The following SPTA1 variants were observed in gnomAD, a reference collection of about 807,000 sequenced individuals.
SPTA1 encodes the protein spectrin alpha, erythrocytic 1, also known as spectrin alpha chain, erythrocytic 1.
In SPTA1, 177 loss-of-function variants were observed where a neutral mutation model predicts 324.7. The ratio of observed to expected loss-of-function variants is 0.55; its 90% CI spans 0.48 to 0.62. The LOEUF (loss-of-function observed/expected upper bound fraction) is 0.62, where lower values mean the gene tolerates loss of function less well. Ranked by LOEUF, SPTA1 falls within the 20% of genes least tolerant of loss-of-function variation. SPTA1 has a pLI of 0.00. For synonymous variants in SPTA1, 1,195 were observed against 1,041.3 expected, an observed-to-expected ratio of 1.15 and a Z score of -2.84; for missense variants, 3,162 against 2,883.6, an observed-to-expected ratio of 1.10 and a Z score of -2.21.
intron 22 of SPTA1, among the ~76,000 whole-genome samples, chr1:158,653,039 A>G (rs1652569421): frequency 6.6e-6 from 1 of 152,218 alleles, no homozygotes; most frequent in African/African-American, 2.4e-5. Flanking sequence ...GCAGGGAATC[A>G]GAAGAGCTCT....
intron 27 of SPTA1, 96 bp downstream of exon 27, chr1:158,647,443 G>T: frequency 6.8e-7 from 1 of 1,473,440 alleles, no homozygotes. Context: ...ACGTAGTGAT[G>T]CCCTCCAAAA....
At chr1:158,672,297 A>T in intron 10 of SPTA1, 101 bp from the exon 11 acceptor site, 1 of 1,281,952 alleles carries the variant, frequency 7.8e-7, no homozygotes, top group Non-Finnish European at 1.1e-6. Context: ...AGGATACAAA[A>T]ATAAACAGCA....
rs1348908909 is a variant in SPTA1 at position 158,680,770 on chromosome 1, A to G, written c.532-41T>C. On this transcript the variant is annotated intron_variant, in intron 4 of 51. Transcript: ENST00000643759. ...TTGATTGAGTTGCCAGCAAACATTT[A>G]GGAGTTTCTGTAGGTCAAAAACTCA... The G allele has an allele frequency of 2.5e-6, 4 of 1,611,610 alleles. No individual in the cohort carries two copies. The South Asian group carries it at 4.4e-5, about 18-fold the overall frequency.
intron 2 of SPTA1, 35 bp downstream of exon 2, chr1:158,685,073 G>A: frequency 6.2e-7 from 1 of 1,612,918 alleles, no homozygotes; most frequent in Non-Finnish European, 8.5e-7. Context: ...GAGATCTTAG[G>A]GTCTGCTCTG....
chr1:158,640,658 T>G (rs953873992), intron 33 of SPTA1, among the ~76,000 whole-genome samples: 3 of 151,906 alleles, frequency 2.0e-5, no homozygotes, highest in South Asian at 2.1e-4. Flanking sequence ...CACTGCTCAA[T>G]GAAATAAAAG....
At chr1:158,627,029 A>G (rs745780021) in intron 40 of SPTA1, 22 bp from the exon 41 acceptor site, 2 of 1,613,248 alleles carry the variant, frequency 1.2e-6, no homozygotes, top group Non-Finnish European at 1.7e-6. Flanking sequence ...GGAGAGACAA[A>G]TATATTTATA....
intron 18 of SPTA1, among the ~76,000 whole-genome samples, chr1:158,660,773 T>G (rs1653154972): frequency 6.6e-6 from 1 of 152,216 alleles, no homozygotes; most frequent in Non-Finnish European, 1.5e-5. Flanking sequence ...TGGCTTATGA[T>G]GTTCAAAACT....
chr1:158,680,214 C>T (rs554465711), intron 5 of SPTA1, among the ~76,000 whole-genome samples: 33 of 152,042 alleles, frequency 2.2e-4, no homozygotes, highest in African/African-American at 7.7e-4. Flanking sequence ...ATTTTATATG[C>T]TCTGCTACTT....
chr1:158,680,579 TCA>T lies in SPTA1; in HGVS notation c.678+2_678+3del. 6.2e-7 allele frequency: 1 copy of T among 1,613,780 alleles called. No homozygotes were observed. Among genetic ancestry groups the T allele is most frequent in the Non-Finnish European group, 8.5e-7 (1 of 1,179,798 alleles). Reference sequence around the variant, plus strand: ...ACGGAGTGAATATTTTGCTCCCACCTCACCTCGGCACACTCATTGGCATATTG... The same window carrying T: ...ACGGAGTGAATATTTTGCTCCCACCTCCTCGGCACACTCATTGGCATATTG... On this transcript the variant is annotated splice_donor_variant and splice_donor_region_variant and intron_variant, in intron 5 of 51. Coordinates refer to ENST00000643759, the MANE Select transcript of SPTA1 (RefSeq NM_003126.4). LOFTEE classifies it high-confidence loss of function.
intron 51 of SPTA1, chr1:158,612,073 G>A (rs1350351022): frequency 6.5e-6 from 1 of 154,648 alleles, no homozygotes; most frequent in Non-Finnish European, 1.4e-5. Context: ...ATACCATCAT[G>A]TATGTGACCC....
At position 158,612,847 on chromosome 1, in the gene SPTA1, C is replaced by A. The variant is rs112884419; in HGVS notation, c.7104G>T (p.Lys2368Asn). 1.9e-3 allele frequency: 3,147 copies of A among 1,613,920 alleles called. 4 individuals are homozygous for A. The highest frequency in any genetic ancestry group is 2.3e-3 in the Middle Eastern group (14 of 6,062). ...TCATGTCTTCTTTGGTAATATATGA[C>A]TTGCCCTCTGCCAGGGCTTGGAAGG... ...ENAFQALAEG[K>N]SYITKEDMKQ... is the part of the protein sequence containing the mutation. The change falls in exon 51 of 52, where the codon AAG (lysine) becomes AAT (asparagine). Residue 2368 changes from lysine to asparagine, a missense_variant. Transcript: ENST00000643759.
chr1:158,649,257 T>C (rs1166018399), intron 25 of SPTA1, among the ~76,000 whole-genome samples: 3 of 152,132 alleles, frequency 2.0e-5, no homozygotes, highest in Non-Finnish European at 4.4e-5. Flanking sequence ...TTAAACCTCC[T>C]GTTTCAACTT....
chr1:158,615,350 G>T lies in SPTA1; in HGVS notation c.6654C>A (p.Asp2218Glu), dbSNP rs780392496. 8.1e-6 allele frequency: 13 copies of T among 1,614,006 alleles called. No individual in the cohort carries two copies. In the South Asian group the frequency reaches 1.3e-4, roughly 16 times the overall value. Reference sequence around the variant, plus strand: ...GAGCGTCTTCCAAGTTGTCCCCCAGGTCCACAATCTTGGTTAGTTGACGCT... The same window carrying T: ...GAGCGTCTTCCAAGTTGTCCCCCAGTTCCACAATCTTGGTTAGTTGACGCT... Reference protein sequence around the residue: ...AMKRQLTKIVDLGDNLEDALI... With the variant: ...AMKRQLTKIVELGDNLEDALI... The change falls in exon 48 of 52, where the codon GAC becomes GAA. Residue 2218 changes from aspartate (D) to glutamate (E), a missense_variant. Physicochemically the swap from Asp to Glu is conservative, Grantham distance 45 (BLOSUM62 2). Coordinates refer to ENST00000643759, the MANE Select transcript of SPTA1 (RefSeq NM_003126.4).
intron 3 of SPTA1, among the ~76,000 whole-genome samples, chr1:158,681,869 GA>G (rs1288009769): frequency 6.6e-6 from 1 of 152,290 alleles, no homozygotes; most frequent in East Asian, 1.9e-4. Context: ...TCTTACATAA[GA>G]GAACAATTTG....
intron 3 of SPTA1, among the ~76,000 whole-genome samples, chr1:158,682,476 C>G (rs1654882729): frequency 6.6e-6 from 1 of 152,098 alleles, no homozygotes; most frequent in South Asian, 2.1e-4. Flanking sequence ...ATACTTTATA[C>G]AAATAAACAA....
chr1:158,629,896 C>T (rs972335637), intron 39 of SPTA1, among the ~76,000 whole-genome samples: 1 of 151,576 alleles, frequency 6.6e-6, no homozygotes, highest in Non-Finnish European at 1.5e-5. Context: ...ATTCCTTTTA[C>T]AATCACATCA....
intron 18 of SPTA1, among the ~76,000 whole-genome samples, chr1:158,660,756 C>T (rs573955000): frequency 6.6e-5 from 10 of 152,284 alleles, no homozygotes; most frequent in South Asian, 2.1e-4. Context: ...ACTGCTTATA[C>T]CATACCTGGC....
intron 39 of SPTA1, among the ~76,000 whole-genome samples, chr1:158,633,774 T>G (rs1294215291): frequency 6.6e-6 from 1 of 151,772 alleles, no homozygotes; most frequent in Non-Finnish European, 1.5e-5. Context: ...TGCAGTGGGG[T>G]GCACATGCAT....
At chr1:158,622,542 G>A (rs560028372) in intron 43 of SPTA1, among the ~76,000 whole-genome samples, 1 of 152,234 alleles carries the variant, frequency 6.6e-6, no homozygotes, top group South Asian at 2.1e-4. Flanking sequence ...GGGATATCAA[G>A]GTTTAGAGAT....
Sources: gnomAD v4.1 joint callset for allele counts (sites outside exome capture counted in the v4.1 genomes callset) on GRCh38, gnomAD v4.1.1 for gene constraint, MANE v1.5 for transcripts, NCBI Gene and HGNC (gene_info 2026-07-23, HGNC 2026-07-21) for gene names.